Variants in CRLS1 observed in about 807,000 individuals in gnomAD.
The protein encoded by CRLS1 is cardiolipin synthase (CMP-forming).
In CRLS1, 24 loss-of-function variants were observed where a neutral mutation model predicts 37.0. The ratio of observed to expected loss-of-function variants is 0.65; its 90% confidence interval spans 0.47 to 0.91. CRLS1 has a LOEUF of 0.91. CRLS1 is among the 40% of genes least tolerant of loss of function. CRLS1 has a pLI of 0.00. For synonymous variants in CRLS1, 135 were observed against 159.7 expected, an observed-to-expected ratio of 0.85 and a Z score of 1.17; for missense variants, 373 against 395.8, an observed-to-expected ratio of 0.94 and a Z score of 0.49.
At chr20:6,020,127 G>A (rs1390289522) in intron 3 of CRLS1, among the ~76,000 whole-genome samples, 1 of 152,162 alleles carries the variant, frequency 6.6e-6, no homozygotes, top group Non-Finnish European at 1.5e-5. Flanking sequence ...ATTTTAACAT[G>A]TAATCAATAA....
intron 3 of CRLS1, among the ~76,000 whole-genome samples, chr20:6,017,141 C>T (rs1978820486): frequency 1.3e-5 from 2 of 152,122 alleles, no homozygotes; most frequent in Admixed American, 1.3e-4. Context: ...TGTGCATCAC[C>T]ACGCCTGGCT....
intron 3 of CRLS1, among the ~76,000 whole-genome samples, chr20:6,020,912 G>A (rs926000914): frequency 1.3e-5 from 2 of 151,624 alleles, no homozygotes; most frequent in African/African-American, 4.8e-5. Flanking sequence ...GATTACAGGC[G>A]TGAGCCACCG....
chr20:6,021,819 C>G (rs1162475456), intron 3 of CRLS1, among the ~76,000 whole-genome samples: 1 of 152,074 alleles, frequency 6.6e-6, no homozygotes, highest in East Asian at 1.9e-4. Context: ...TTTCACTCTA[C>G]TAGTTTGAAA....
At chr20:6,016,436 A>T (rs1217354754) in intron 3 of CRLS1, among the ~76,000 whole-genome samples, 1 of 144,782 alleles carries the variant, frequency 6.9e-6, no homozygotes, top group African/African-American at 2.6e-5. Context: ...TGAGGTGTGT[A>T]TGTGATTGGG....
At chr20:6,010,094 T>TC (rs2090113976) in intron 2 of CRLS1, among the ~76,000 whole-genome samples, 182 bp downstream of exon 2, 2 of 151,716 alleles carry the variant, frequency 1.3e-5, no homozygotes, top group Admixed American at 6.6e-5. Flanking sequence ...TTTTTTTTTT[T>TC]CATATGATTT....
chr20:6,037,069 A>C lies in CRLS1; in HGVS notation c.822-5A>C, dbSNP rs58630165. The C allele has an allele frequency of 8.2e-4, 1,318 of 1,605,816 alleles. 9 individuals carry two copies. In the African/African-American group the frequency reaches 0.013, roughly 16 times the overall value. On this transcript the variant is annotated splice_region_variant and splice_polypyrimidine_tract_variant and intron_variant, in intron 6 of 6. Coordinates refer to ENST00000378863, the MANE Select transcript of CRLS1 (RefSeq NM_019095.6). Reference sequence around the variant, plus strand: ...CTACATTTTATTTCTTTTCTTCCATAAAAGGTGTTTTACAGCTTTCACCAC... The same window carrying C: ...CTACATTTTATTTCTTTTCTTCCATCAAAGGTGTTTTACAGCTTTCACCAC...
chr20:6,027,913 T>A (rs1282936376), intron 3 of CRLS1, among the ~76,000 whole-genome samples: 1 of 152,224 alleles, frequency 6.6e-6, no homozygotes, highest in Non-Finnish European at 1.5e-5. Context: ...TTGTGGGAAT[T>A]CCTTTCTAAA....
chr20:6,014,328 T>G (rs955720317), intron 2 of CRLS1, among the ~76,000 whole-genome samples: 18 of 152,234 alleles, frequency 1.2e-4, no homozygotes, highest in African/African-American at 4.3e-4. Flanking sequence ...ACCACATTTT[T>G]TTTTACCACG....
At chr20:6,028,982 A>G (rs1979934685) in intron 3 of CRLS1, among the ~76,000 whole-genome samples, 1 of 152,202 alleles carries the variant, frequency 6.6e-6, no homozygotes, top group South Asian at 2.1e-4. Flanking sequence ...AGGAGCCCAT[A>G]TCCTTCAGTT....
At chr20:6,013,773 G>T (rs1978521730) in intron 2 of CRLS1, among the ~76,000 whole-genome samples, 1 of 152,172 alleles carries the variant, frequency 6.6e-6, no homozygotes, top group Non-Finnish European at 1.5e-5. Context: ...TCCCATTTGT[G>T]TGTTTTCCTT....
At chr20:6,007,232 G>A (rs1178991361) in intron 1 of CRLS1, 5 of 1,471,854 alleles carry the variant, frequency 3.4e-6, no homozygotes, top group African/African-American at 1.4e-5. Context: ...GTCTTCAGTG[G>A]CCCCTGTACT....
chr20:6,010,741 G>T (rs944849528), intron 2 of CRLS1, among the ~76,000 whole-genome samples: 6 of 152,136 alleles, frequency 3.9e-5, no homozygotes, highest in Non-Finnish European at 8.8e-5. Context: ...AAAAAGTTTC[G>T]AAATGCATTA....
intron 2 of CRLS1, among the ~76,000 whole-genome samples, chr20:6,014,564 T>C (rs571373796): frequency 3.3e-5 from 5 of 152,340 alleles, no homozygotes; most frequent in African/African-American, 7.2e-5. Flanking sequence ...TTAATGTGAA[T>C]AGACAGTACT....
At chr20:6,028,786 T>G (rs1037028592) in intron 3 of CRLS1, 6 of 152,238 alleles carry the variant, frequency 3.9e-5, no homozygotes, top group African/African-American at 1.4e-4. Flanking sequence ...TCATTGCAAA[T>G]ATTACCCATG....
At chr20:6,031,429 A>G in intron 4 of CRLS1, 59 bp downstream of exon 4, 1 of 1,326,982 alleles carries the variant, frequency 7.5e-7, no homozygotes, top group South Asian at 1.3e-5. Context: ...GGAAAAAGCA[A>G]AAAGACATAT....
At chr20:6,032,713 G>C (rs1474655368) in intron 5 of CRLS1, among the ~76,000 whole-genome samples, 1 of 152,222 alleles carries the variant, frequency 6.6e-6, no homozygotes, top group Non-Finnish European at 1.5e-5. Context: ...AGGGCAATAA[G>C]TATATGCCAG....
At chr20:6,020,908 A>G (rs1278783370) in intron 3 of CRLS1, among the ~76,000 whole-genome samples, 4 of 151,182 alleles carry the variant, frequency 2.6e-5, no homozygotes, top group African/African-American at 7.3e-5. Context: ...CTGGGATTAC[A>G]GGCGTGAGCC....
In CRLS1 at chr20:6,031,364, A is replaced by G. The variant is rs1231662601; in HGVS notation, c.654A>G (p.Pro218=). The change falls in exon 4 of 7, where the codon CCA becomes CCG. Residue 218 remains proline (P), a synonymous_variant. Coordinates refer to ENST00000378863, the MANE Select transcript of CRLS1 (RefSeq NM_019095.6). The part of the protein sequence containing the change: ...AVFYVRYRTL[P]TPRTLAKYFN... The stretch of plus-strand genomic sequence containing the variant: ...TTTATGTCAGATACCGAACTCTTCC[A>G]ACACCAGTGAGTTTGTTTCCAAAAA... 2.5e-6 allele frequency: 4 copies of G among 1,600,782 alleles called. No homozygotes were observed. In the Admixed American group the frequency reaches 5.1e-5, roughly 21 times the overall value.
rs116000134 is a variant in CRLS1 at position 6,031,677 on chromosome 20, T to C, written c.660+307T>C. Among the ~76,000 whole-genome samples, 1,289 of 152,348 alleles carry C rather than the reference T, an allele frequency of 8.5e-3. 17 individuals carry two copies. Among genetic ancestry groups the C allele is most frequent in the African/African-American group, 0.03 (1,229 of 41,576 alleles). On this transcript the variant is annotated intron_variant, in intron 4 of 6. Transcript: ENST00000378863. ...AATACTTGAACACATACGCATAGCATATTAACCTCTTTTGGCTCCCAATGT... is the reference window on the plus strand; with the variant it reads ...AATACTTGAACACATACGCATAGCACATTAACCTCTTTTGGCTCCCAATGT...
Sources: allele counts gnomAD v4.1 joint callset (sites outside exome capture counted in the v4.1 genomes callset), GRCh38; gene constraint gnomAD v4.1.1; transcripts MANE v1.5; gene names NCBI Gene and HGNC (gene_info 2026-07-23, HGNC 2026-07-21).